The following CAMK2D variants were observed in gnomAD, a reference collection of about 807,000 sequenced individuals.
The protein encoded by CAMK2D is calcium/calmodulin dependent protein kinase II delta.
Under a neutral mutation model 84.0 loss-of-function variants are expected in CAMK2D, and 37 were observed. The ratio of observed to expected loss-of-function variants is 0.44; its 90% CI spans 0.34 to 0.58. CAMK2D has a LOEUF of 0.58. CAMK2D is among the 20% of genes least tolerant of loss of function. CAMK2D has a pLI of 0.02. For missense variants in CAMK2D, 448 were observed against 652.5 expected, an observed-to-expected ratio of 0.69 and a Z score of 3.41; for synonymous variants, 202 against 212.5, an observed-to-expected ratio of 0.95 and a Z score of 0.43.
intron 2 of CAMK2D, among the ~76,000 whole-genome samples, chr4:113,686,978 T>G (rs2099361819): frequency 6.6e-6 from 1 of 152,028 alleles, no homozygotes; most frequent in African/African-American, 2.4e-5. Flanking sequence ...CTCCAAAATG[T>G]AAAACTCCAG....
At chr4:113,475,907 T>C (rs758307161) in intron 16 of CAMK2D, among the ~76,000 whole-genome samples, 1 of 152,176 alleles carries the variant, frequency 6.6e-6, no homozygotes, top group Non-Finnish European at 1.5e-5. Context: ...TTATCTTCAG[T>C]GAAGTGGGAA....
At chr4:113,502,804 C>A in intron 15 of CAMK2D, 132 bp downstream of exon 15, 1 of 674,268 alleles carries the variant, frequency 1.5e-6, no homozygotes, top group South Asian at 1.7e-5. Context: ...ATAAATTAGG[C>A]CCAAAAGGAA....
rs372411740 is a variant in CAMK2D at position 113,521,558 on chromosome 4, T to TTTTC, written c.602-3905_602-3902dup. On this transcript the variant is annotated intron_variant, in intron 8 of 20. Transcript: ENST00000511664. ...TACATGTGCTGTCTTGGAGCTACAG[T>TTTTC]TTTCTTTGAAAAATAAATCAAGAAA... Among the ~76,000 whole-genome samples the TTTTC allele has an allele frequency of 1.8e-3, 273 of 152,264 alleles. 1 individual carries two copies. Among genetic ancestry groups the TTTTC allele is most frequent in the African/African-American group, 6.0e-3 (249 of 41,546 alleles).
At chr4:113,492,630 T>C in intron 16 of CAMK2D, among the ~76,000 whole-genome samples, 1 of 151,074 alleles carries the variant, frequency 6.6e-6, no homozygotes, top group Non-Finnish European at 1.5e-5. Context: ...TGATTTGGGG[T>C]GGAGAGTTCT....
intron 4 of CAMK2D, among the ~76,000 whole-genome samples, chr4:113,599,561 T>C (rs955187231): frequency 1.3e-5 from 2 of 152,088 alleles, no homozygotes; most frequent in Non-Finnish European, 1.5e-5. Context: ...TATGTACAGT[T>C]GATTCTTGAA....
intron 3 of CAMK2D, among the ~76,000 whole-genome samples, chr4:113,649,176 T>C (rs2099163099): frequency 6.6e-6 from 1 of 152,164 alleles, no homozygotes; most frequent in Non-Finnish European, 1.5e-5. Flanking sequence ...CATCATGCCT[T>C]ACACCTACAT....
intron 4 of CAMK2D, among the ~76,000 whole-genome samples, chr4:113,597,894 T>G (rs547969574): frequency 1.3e-5 from 2 of 152,108 alleles, no homozygotes; most frequent in African/African-American, 4.8e-5. Context: ...TCTCAGGGAA[T>G]AGGAAGGCCT....
chr4:113,637,247 T>C (rs542446285), intron 3 of CAMK2D, among the ~76,000 whole-genome samples: 42 of 152,312 alleles, frequency 2.8e-4, no homozygotes, highest in African/African-American at 9.1e-4. Flanking sequence ...ACATGACAGA[T>C]ATTAAAAAAG....
chr4:113,657,561 A>T (rs1246787798), intron 3 of CAMK2D, among the ~76,000 whole-genome samples: 2 of 152,170 alleles, frequency 1.3e-5, no homozygotes, highest in Non-Finnish European at 2.9e-5. Context: ...TAAATCAAAT[A>T]TTAAAAGTTG....
At chr4:113,650,804 A>C (rs905875522) in intron 3 of CAMK2D, among the ~76,000 whole-genome samples, 3 of 152,218 alleles carry the variant, frequency 2.0e-5, no homozygotes, top group African/African-American at 7.2e-5. Context: ...TGTCTCAAGG[A>C]AAGTGTTTAC....
intron 16 of CAMK2D, among the ~76,000 whole-genome samples, chr4:113,481,373 G>A (rs997494458): frequency 5.3e-4 from 81 of 152,058 alleles, no homozygotes; most frequent in African/African-American, 2.0e-3. Context: ...TTTAGTAGGG[G>A]GAAGAGGAAC....
chr4:113,736,747 T>C (rs1438310567), intron 2 of CAMK2D, among the ~76,000 whole-genome samples: 62 of 152,040 alleles, frequency 4.1e-4, no homozygotes, highest in Admixed American at 3.8e-3. Context: ...AAAATAATTA[T>C]GAAAAACAGA....
chr4:113,645,850 A>G (rs2099149732), intron 3 of CAMK2D, among the ~76,000 whole-genome samples: 1 of 152,158 alleles, frequency 6.6e-6, no homozygotes, highest in Admixed American at 6.6e-5. Flanking sequence ...AGCCCCTCAC[A>G]CTCCTGACAA....
intron 2 of CAMK2D, among the ~76,000 whole-genome samples, chr4:113,724,437 T>C (rs1221860930): frequency 6.6e-6 from 1 of 151,936 alleles, no homozygotes; most frequent in Non-Finnish European, 1.5e-5. Context: ...TATTATTACA[T>C]GGTGCTTTCA....
intron 16 of CAMK2D, among the ~76,000 whole-genome samples, chr4:113,496,607 C>A (rs1001023818): frequency 2.6e-5 from 4 of 152,024 alleles, no homozygotes; most frequent in African/African-American, 9.7e-5. Flanking sequence ...TACCACAGTG[C>A]CCAGCTAATT....
At chr4:113,493,663 G>A (rs2097879847) in intron 16 of CAMK2D, among the ~76,000 whole-genome samples, 1 of 151,724 alleles carries the variant, frequency 6.6e-6, no homozygotes, top group Non-Finnish European at 1.5e-5. Context: ...GGTGTTCTCT[G>A]TATTTCCTGA....
intron 12 of CAMK2D, among the ~76,000 whole-genome samples, chr4:113,510,989 A>AACTC (rs1176121313): frequency 6.6e-6 from 1 of 152,144 alleles, no homozygotes; most frequent in Non-Finnish European, 1.5e-5. Flanking sequence ...TTAGAAAGCA[A>AACTC]ACTCAGAATA....
intron 4 of CAMK2D, among the ~76,000 whole-genome samples, chr4:113,591,735 A>T (rs905167037): frequency 6.6e-6 from 1 of 152,134 alleles, no homozygotes; most frequent in Non-Finnish European, 1.5e-5. Flanking sequence ...TAACCTCTAC[A>T]TTTCTACAAT....
intron 6 of CAMK2D, among the ~76,000 whole-genome samples, chr4:113,547,043 T>C: frequency 6.6e-6 from 1 of 152,214 alleles, no homozygotes; most frequent in Non-Finnish European, 1.5e-5. Flanking sequence ...TGTTTTGCTT[T>C]CTTTACATCT....
Sources: gnomAD v4.1 joint callset for allele counts (sites outside exome capture counted in the v4.1 genomes callset) on GRCh38, gnomAD v4.1.1 for gene constraint, MANE v1.5 for transcripts, NCBI Gene and HGNC (gene_info 2026-07-23, HGNC 2026-07-21) for gene names.